The following ATP1A3 variants were observed in gnomAD, a reference collection of about 807,000 sequenced individuals.
ATP1A3 encodes ATPase Na+/K+ transporting subunit alpha 3.
ATP1A3 carries 12 observed loss-of-function variants against 108.8 expected under a neutral mutation model. The observed-to-expected ratio is 0.11, with a 90% CI of 0.07 to 0.18. The LOEUF is 0.18. Among genes scored for constraint, ATP1A3 ranks in the 10% least tolerant of loss-of-function variants. The pLI, the probability that ATP1A3 is intolerant of heterozygous loss-of-function variation, is 1.00. For synonymous variants in ATP1A3, 539 were observed against 564.5 expected (o/e 0.95, Z 0.64); for missense variants, 498 against 1,387.7 (o/e 0.36, Z 10.19).
intron 16 of ATP1A3, among the ~76,000 whole-genome samples, chr19:41,973,712 C>T (rs1338869818): frequency 1.3e-5 from 2 of 152,248 alleles, no homozygotes; most frequent in East Asian, 3.8e-4. Context: ...TTGTTTAAGG[C>T]TGTCTCTCCA....
chr19:41,986,263 C>A, intron 4 of ATP1A3, 34 bp from the exon 5 acceptor site: 1 of 1,601,046 alleles, frequency 6.2e-7, no homozygotes, highest in African/African-American at 1.3e-5. Context: ...GATCAGGGGC[C>A]GCCCAAGCCA....
Position 41,975,771 on chromosome 19 carries a change from A to G in ATP1A3, c.2121T>C (p.Asp707=). The stretch of plus-strand genomic sequence containing the variant: ...TCAGAGCGGGGGAGTCGTTCACACC[A>G]TCCCCGGTCACAGCCACAATTGCAC... ...RQGAIVAVTG[D]GVNDSPALKK... The change falls in exon 16 of 23, where the codon GAT becomes GAC. Residue 707 remains aspartate (D), a synonymous_variant. Transcript: ENST00000648268. 6.2e-7 allele frequency: 1 copy of G among 1,613,926 alleles called. No homozygotes were observed. Among genetic ancestry groups the G allele is most frequent in the Non-Finnish European group, 8.5e-7 (1 of 1,179,944 alleles).
intron 8 of ATP1A3, among the ~76,000 whole-genome samples, chr19:41,983,813 C>T (rs1286976413): frequency 8.4e-6 from 1 of 119,124 alleles, no homozygotes; most frequent in Non-Finnish European, 1.7e-5. Context: ...TCGCTTTTGT[C>T]GCCCAGGCTG....
At chr19:41,979,310 C>G (rs1361119477) in intron 11 of ATP1A3, among the ~76,000 whole-genome samples, 4 of 150,934 alleles carry the variant, frequency 2.7e-5, no homozygotes. Flanking sequence ...TGCTCCCCTC[C>G]TCCCACCCTG....
At chr19:41,973,417 T>C (rs78776424) in intron 16 of ATP1A3, among the ~76,000 whole-genome samples, 7,821 of 152,196 alleles carry the variant, frequency 0.051, 346 homozygotes, top group Admixed American at 0.14. Context: ...CACCACGCCC[T>C]GCTAATTTTT....
At chr19:41,993,312 G>A in intron 1 of ATP1A3, 1 of 1,385,428 alleles carries the variant, frequency 7.2e-7, no homozygotes, top group Non-Finnish European at 9.9e-7. Context: ...GGACACAGAG[G>A]CAAGGACACA....
At chr19:41,976,303 A>C in intron 15 of ATP1A3, 113 bp downstream of exon 15, 1 of 1,428,096 alleles carries the variant, frequency 7.0e-7, no homozygotes. Context: ...TCTCAGACCC[A>C]GGGGTCCAGA....
chr19:41,977,933 C>T lies in ATP1A3; in HGVS notation c.1943+3G>A. On this transcript the variant is annotated splice_donor_region_variant and intron_variant, in intron 14 of 22. Coordinates refer to ENST00000648268, the MANE Select transcript of ATP1A3 (RefSeq NM_152296.5). Reference sequence around the variant, plus strand: ...AGGGCCCTGGCTGGGATGGGTGGCTCACCGGGGGTTAACCTGGCTGACGGG... The same window carrying T: ...AGGGCCCTGGCTGGGATGGGTGGCTTACCGGGGGTTAACCTGGCTGACGGG... 6.2e-7 allele frequency: 1 copy of T among 1,614,110 alleles called. No individual in the cohort carries two copies. Among genetic ancestry groups the T allele is most frequent in the South Asian group, 1.1e-5 (1 of 91,078 alleles).
intron 4 of ATP1A3, 125 bp downstream of exon 4, chr19:41,987,811 T>G: frequency 2.4e-6 from 3 of 1,260,408 alleles, no homozygotes; most frequent in Non-Finnish European, 3.4e-6. Flanking sequence ...TGGGTGATTG[T>G]GAGTTAGATG....
rs1166196671 is a variant in ATP1A3 at position 41,988,195 on chromosome 19, C to T, written c.154-56G>A. The T allele has an allele frequency of 2.2e-5, 35 of 1,611,966 alleles. 1 individual carries two copies. The highest frequency in any genetic ancestry group is 1.8e-4 in the South Asian group (16 of 91,026). On this transcript the variant is annotated intron_variant, in intron 3 of 22. Coordinates refer to ENST00000648268, the MANE Select transcript of ATP1A3 (RefSeq NM_152296.5). This position sits in a 1 kb window ranked among gnomAD's most constrained non-coding sequence, Gnocchi z 5.3. ...CCCTGGGCAACCCTGGCACCCCAGG[C>T]CTTCACCAGACCCCCAGAACTTAAG...
At position 41,967,548 on chromosome 19, in the gene ATP1A3, G is replaced by C; in HGVS notation, c.2921+114C>G. The stretch of plus-strand genomic sequence containing the variant: ...GGGGAGGCTCGGGGGCATCAGAATG[G>C]GGACTGCAGTGGGGACACCAGGGGA... On this transcript the variant is annotated intron_variant, in intron 21 of 22. Transcript: ENST00000648268. The surrounding 1 kb of genome is among the most constrained non-coding windows in gnomAD (Gnocchi z 4.2). 1 of 1,245,304 alleles carries C rather than the reference G, an allele frequency of 8.0e-7. No individual in the cohort carries two copies. The highest frequency in any genetic ancestry group is 1.1e-6 in the Non-Finnish European group (1 of 877,642). 77.1% of individuals were successfully genotyped at this position (1,245,304 alleles called of 1,614,324 possible).
Position 41,970,172 on chromosome 19 carries a change from C to G in ATP1A3, c.2542+13G>C, listed in dbSNP as rs781880173. ...CACTGGGTGGTAAGGAGATGGAGTC[C>G]CCGGTGCCTCACCAATCTGCCCGTA... On this transcript the variant is annotated intron_variant, in intron 18 of 22. Transcript: ENST00000648268. 3 of 1,614,216 alleles carry G rather than the reference C, an allele frequency of 1.9e-6. No homozygotes were observed. The highest frequency in any genetic ancestry group is 2.5e-6 in the Non-Finnish European group (3 of 1,180,042).
In ATP1A3 at chr19:41,967,483, C is replaced by A. The variant is rs2075056125; in HGVS notation, c.2922-143G>T. ...AGGGTGCCCTGGGCGGGGCTGGGGCCTGGGGTCTTCGGAGTAATCCGTGGT... is the reference window on the plus strand; with the variant it reads ...AGGGTGCCCTGGGCGGGGCTGGGGCATGGGGTCTTCGGAGTAATCCGTGGT... On this transcript the variant is annotated intron_variant, in intron 21 of 22. Transcript: ENST00000648268. This position sits in a 1 kb window ranked among gnomAD's most constrained non-coding sequence, Gnocchi z 4.2. 8.2e-7 allele frequency: 1 copy of A among 1,212,348 alleles called. No individual in the cohort carries two copies. The highest frequency in any genetic ancestry group is 1.5e-5 in the African/African-American group (1 of 66,076). The allele number at this position is 1,212,348 out of a possible 1,614,324, so 75.1% of individuals were successfully genotyped here.
chr19:41,981,390 G>C lies in ATP1A3; in HGVS notation c.1437+112C>G. 6.5e-7 allele frequency: 1 copy of C among 1,530,234 alleles called. No homozygotes were observed. The allele number at this position is 1,530,234 out of a possible 1,614,324, so 94.8% of individuals were successfully genotyped here. A position where few individuals can be genotyped will look rare whatever the true frequency, so the allele number is the denominator to read the frequency against. ...CCCTGTTCCTCTCCCCACCAGGCGGGTATTATCATTCCCATTTTACAGACG... is the reference window on the plus strand; with the variant it reads ...CCCTGTTCCTCTCCCCACCAGGCGGCTATTATCATTCCCATTTTACAGACG... On this transcript the variant is annotated intron_variant, in intron 11 of 22. Transcript: ENST00000648268. The surrounding 1 kb of genome is among the most constrained non-coding windows in gnomAD (Gnocchi z 5.0).
intron 1 of ATP1A3, chr19:41,993,673 T>A (rs2075361719): frequency 3.3e-6 from 2 of 615,094 alleles, no homozygotes; most frequent in African/African-American, 3.7e-5. Context: ...CCAGACGCAC[T>A]AACACGAGCT....
Position 41,988,299 on chromosome 19 carries a change from G to T in ATP1A3, c.153+19C>A. Reference sequence around the variant, plus strand: ...CTCCTCCCTAGTTCCCAGGGTCCCAGCCCACAGCCTGGCCACACCTGCACA... The same window carrying T: ...CTCCTCCCTAGTTCCCAGGGTCCCATCCCACAGCCTGGCCACACCTGCACA... On this transcript the variant is annotated intron_variant, in intron 3 of 22. Transcript: ENST00000648268. The surrounding 1 kb of genome is among the most constrained non-coding windows in gnomAD (Gnocchi z 5.3). The T allele has an allele frequency of 6.2e-7, 1 of 1,613,986 alleles. No individual in the cohort carries two copies. Among genetic ancestry groups the T allele is most frequent in the Non-Finnish European group, 8.5e-7 (1 of 1,179,908 alleles).
At position 41,994,079 on chromosome 19, in the gene ATP1A3, T is replaced by C. The variant is rs1344787242; in HGVS notation, c.-3A>G. The C allele has an allele frequency of 3.8e-6, 6 of 1,598,940 alleles. No individual in the cohort carries two copies. The Admixed American group carries it at 6.8e-5, about 18-fold the overall frequency. ...GCCGGCTCAGCACCTACCCCCATCT[T>C]GGCGGCTCCGCGGCGAGAGAGCCAG... is the stretch of plus-strand genomic sequence containing the variant. On this transcript the variant is annotated 5_prime_UTR_variant, in exon 1 of 23. Transcript: ENST00000648268.
Position 41,981,529 on chromosome 19 carries a change from A to G in ATP1A3, c.1410T>C (p.Ile470=), listed in dbSNP as rs782631160. 1.2e-6 allele frequency: 2 copies of G among 1,614,092 alleles called. No homozygotes were observed. The highest frequency in any genetic ancestry group is 4.5e-5 in the East Asian group (2 of 44,898). The change falls in exon 11 of 23, where the codon ATT becomes ATC. Residue 470 remains isoleucine, a synonymous_variant. Transcript: ENST00000648268. The surrounding 1 kb of genome is among the most constrained non-coding windows in gnomAD (Gnocchi z 5.0). ...MRERNKKVAE[I]PFNSTNKYQL... is the part of the protein sequence containing the mutation. ...GGTATTTGTTGGTGGAATTGAAGGG[A>G]ATCTCAGCCACTTTCTTGTTGCGTT...
In ATP1A3 at chr19:41,966,960, C is replaced by T; in HGVS notation, c.3019G>A (p.Val1007Met). 6.4e-7 allele frequency: 1 copy of T among 1,551,272 alleles called. No homozygotes were observed. The highest frequency in any genetic ancestry group is 8.7e-7 in the Non-Finnish European group (1 of 1,146,946). Residue 1007 changes from valine (V) to methionine (M), a missense_variant, in exon 23 of 23, where the codon GTG (valine) becomes ATG (methionine). Around this residue, in one of 9 missense-constraint regions of ATP1A3, gnomAD observed 29 missense variants for 41.0 expected, o/e 0.71. Coordinates refer to ENST00000648268, the MANE Select transcript of ATP1A3 (RefSeq NM_152296.5). ...GGTCAGTAGTAGGTTTCCTTCTCCA[C>T]CCAACCTGGAGAGACAAAGAAGGAA... ...LILRRNPGGW[V>M]EKETYY
Sources: gnomAD v4.1 joint callset for allele counts (sites outside exome capture counted in the v4.1 genomes callset) on GRCh38, gnomAD v4.1.1 for gene constraint, gnomAD v4.1.1 regional missense constraint, Gnocchi (gnomAD v3.1) non-coding constraint, MANE v1.5 for transcripts, NCBI Gene and HGNC (gene_info 2026-07-23, HGNC 2026-07-21) for gene names.